The following ACOT13 variants were observed in gnomAD, a reference collection of about 807,000 sequenced individuals.
ACOT13 encodes the protein acyl-coenzyme A thioesterase 13.
Under a neutral mutation model 11.8 loss-of-function variants are expected in ACOT13, and 10 were observed. The observed-to-expected ratio is 0.85, with a 90% confidence interval of 0.53 to 1.44. ACOT13 has a LOEUF of 1.44. Among genes scored for constraint, ACOT13 ranks in the 40% most tolerant of loss-of-function variants. The probability of loss-of-function intolerance (pLI) is 0.00; values close to 1 mark genes in which losing one functional copy is unlikely to be tolerated. For missense variants in ACOT13, 172 were observed against 174.1 expected (o/e 0.99, Z 0.07); for synonymous variants, 53 against 61.0 (o/e 0.87, Z 0.61).
chr6:24,667,207 C>T lies in ACOT13; in HGVS notation c.-57C>T. 1 of 1,550,852 alleles carries T rather than the reference C, an allele frequency of 6.4e-7. No homozygotes were observed. Among genetic ancestry groups the T allele is most frequent in the Non-Finnish European group, 8.9e-7 (1 of 1,127,062 alleles). On this transcript the variant is annotated 5_prime_UTR_variant, in exon 1 of 3. Transcript: ENST00000230048. Reference sequence around the variant, plus strand: ...CTTCTTTCACTAACTTCTGGACTTTCCAGCTCTTCCGAAGTTCGTTCTTGC... The same window carrying T: ...CTTCTTTCACTAACTTCTGGACTTTTCAGCTCTTCCGAAGTTCGTTCTTGC...
chr6:24,696,659 T>C (rs1417868979), intron 1 of ACOT13, among the ~76,000 whole-genome samples: 1 of 152,258 alleles, frequency 6.6e-6, no homozygotes, highest in Non-Finnish European at 1.5e-5. Flanking sequence ...AGCTCAGCTC[T>C]AACTTATACC....
At chr6:24,698,642 G>GTT (rs536209327) in intron 2 of ACOT13, among the ~76,000 whole-genome samples, 63 of 141,894 alleles carry the variant, frequency 4.4e-4, no homozygotes, top group Admixed American at 1.4e-3. Flanking sequence ...CATTGCTGGG[G>GTT]TTTTTTTTTT....
At chr6:24,699,462 G>T (rs1400660426) in intron 2 of ACOT13, among the ~76,000 whole-genome samples, 2 of 152,248 alleles carry the variant, frequency 1.3e-5, no homozygotes, top group East Asian at 3.9e-4. Context: ...TGCCCGCCTT[G>T]GCCTCCCAAA....
intron 1 of ACOT13, among the ~76,000 whole-genome samples, chr6:24,695,283 T>C (rs1457984278): frequency 6.6e-6 from 1 of 152,178 alleles, no homozygotes; most frequent in Non-Finnish European, 1.5e-5. Context: ...CACTCCAGCC[T>C]GGGTGACAGA....
At chr6:24,698,868 CCTCCAGTG>C (rs1778842352) in intron 2 of ACOT13, among the ~76,000 whole-genome samples, 1 of 152,084 alleles carries the variant, frequency 6.6e-6, no homozygotes, top group South Asian at 2.1e-4. Flanking sequence ...GAACTCCTGA[CCTCCAGTG>C]TCCACCCACC....
intron 1 of ACOT13, among the ~76,000 whole-genome samples, chr6:24,680,971 C>A (rs1044865915): frequency 2.6e-5 from 4 of 152,068 alleles, no homozygotes; most frequent in Non-Finnish European, 5.9e-5. Flanking sequence ...TGGTTTTTTC[C>A]CTCAATCACC....
chr6:24,688,675 TACTAAC>T (rs1471260936), intron 1 of ACOT13, among the ~76,000 whole-genome samples: 2 of 152,140 alleles, frequency 1.3e-5, no homozygotes, highest in Non-Finnish European at 2.9e-5. Flanking sequence ...AAAAATGACT[TACTAAC>T]AGGAGCATGT....
Position 24,676,100 on chromosome 6 carries a change from A to G in ACOT13, c.81+8756A>G, listed in dbSNP as rs530931470. 3.3e-5 allele frequency among the ~76,000 whole-genome samples: 5 copies of G among 152,342 alleles called. No homozygotes were observed. In the East Asian group the frequency reaches 9.6e-4, roughly 29 times the overall value. ...TGGTCTATATCTCTGTTTTGGTACC[A>G]GTACCATGCTGTTTTGGTTACTGTA... On this transcript the variant is annotated intron_variant, in intron 1 of 2. Coordinates refer to ENST00000230048, the MANE Select transcript of ACOT13 (RefSeq NM_018473.4).
intron 1 of ACOT13, among the ~76,000 whole-genome samples, chr6:24,677,754 C>T (rs1380340336): frequency 6.6e-6 from 1 of 152,178 alleles, no homozygotes; most frequent in Non-Finnish European, 1.5e-5. Flanking sequence ...AATGGCCTGA[C>T]TATTTCGCTG....
chr6:24,681,881 G>A (rs1449047949), intron 1 of ACOT13, among the ~76,000 whole-genome samples: 1 of 152,196 alleles, frequency 6.6e-6, no homozygotes, highest in Non-Finnish European at 1.5e-5. Flanking sequence ...AGAAAGTCGT[G>A]GTCAGGACCC....
In ACOT13 at chr6:24,704,133, G is replaced by A. The variant is rs1047383249; in HGVS notation, c.*2518G>A. ...TTTGGTAATTTTACTCTAGTTATAT[G>A]AAATATTCTTGTACTTGGAACATAT... On this transcript the variant is annotated 3_prime_UTR_variant, in exon 3 of 3. Coordinates refer to ENST00000230048, the MANE Select transcript of ACOT13 (RefSeq NM_018473.4). 6 of 152,186 alleles carry A rather than the reference G, an allele frequency of 3.9e-5. No individual in the cohort carries two copies. Among genetic ancestry groups the A allele is most frequent in the Admixed American group, 1.3e-4 (2 of 15,270 alleles). The allele number at this position is 152,186 out of a possible 1,614,324, so 9.4% of individuals were successfully genotyped here. A position where few individuals can be genotyped will look rare whatever the true frequency, so the allele number is the denominator to read the frequency against.
intron 1 of ACOT13, among the ~76,000 whole-genome samples, chr6:24,694,021 CATATG>C (rs1778757748): frequency 6.6e-6 from 1 of 152,066 alleles, no homozygotes; most frequent in African/African-American, 2.4e-5. Flanking sequence ...TGCATAAACT[CATATG>C]AATGCATGAA....
intron 1 of ACOT13, among the ~76,000 whole-genome samples, chr6:24,696,782 CT>C (rs530161233): frequency 2.4e-4 from 36 of 147,134 alleles, no homozygotes; most frequent in Admixed American, 2.7e-4. Flanking sequence ...ATCATAAATT[CT>C]TTTTTTTTTT....
intron 2 of ACOT13, chr6:24,701,208 G>T: frequency 3.5e-6 from 1 of 284,496 alleles, no homozygotes; most frequent in Non-Finnish European, 6.5e-6. Flanking sequence ...AAATGTAAAG[G>T]GAAAAAAGGG....
chr6:24,702,245 G>T lies in ACOT13; in HGVS notation c.*630G>T. 6.6e-6 allele frequency: 1 copy of T among 152,434 alleles called. No homozygotes were observed. Among genetic ancestry groups the T allele is most frequent in the Non-Finnish European group, 1.5e-5 (1 of 68,254 alleles). The allele number at this position is 152,434 out of a possible 1,614,324, so 9.4% of individuals were successfully genotyped here. A position where few individuals can be genotyped will look rare whatever the true frequency, so the allele number is the denominator to read the frequency against. On this transcript the variant is annotated 3_prime_UTR_variant, in exon 3 of 3. Transcript: ENST00000230048. Reference sequence around the variant, plus strand: ...CCTGCCTCAGCCTCCCAAGTAGCTGGGACTATAGGCATGTGCCATCACACC... The same window carrying T: ...CCTGCCTCAGCCTCCCAAGTAGCTGTGACTATAGGCATGTGCCATCACACC...
chr6:24,696,035 G>A (rs1162850736), intron 1 of ACOT13, among the ~76,000 whole-genome samples: 20 of 151,980 alleles, frequency 1.3e-4, no homozygotes, highest in Admixed American at 1.2e-3. Context: ...TCCAGCCTCA[G>A]CAACAGAAAA....
chr6:24,684,422 G>A (rs1033018265), intron 1 of ACOT13, among the ~76,000 whole-genome samples: 1 of 152,172 alleles, frequency 6.6e-6, no homozygotes, highest in Non-Finnish European at 1.5e-5. Flanking sequence ...GGGTTGGATT[G>A]CCTTTGAGTA....
intron 1 of ACOT13, among the ~76,000 whole-genome samples, chr6:24,682,677 C>T (rs1582438623): frequency 1.3e-5 from 2 of 151,190 alleles, no homozygotes; most frequent in Non-Finnish European, 1.5e-5. Flanking sequence ...TCTGCAGTGG[C>T]AGGTCTGCGG....
intron 1 of ACOT13, among the ~76,000 whole-genome samples, chr6:24,690,352 G>T (rs917191204): frequency 1.1e-4 from 16 of 152,162 alleles, no homozygotes; most frequent in African/African-American, 3.6e-4. Flanking sequence ...GATAAGAAAG[G>T]CTCCTTCCCT....
Sources: gnomAD v4.1 joint callset for allele counts (sites outside exome capture counted in the v4.1 genomes callset) on GRCh38, gnomAD v4.1.1 for gene constraint, MANE v1.5 for transcripts, NCBI Gene and HGNC (gene_info 2026-07-23, HGNC 2026-07-21) for gene names.